The following DOK5 variants were observed in gnomAD, a reference collection of about 807,000 sequenced individuals.
DOK5 encodes downstream of tyrosine kinase 5.
In DOK5, 27 loss-of-function variants were observed where a neutral mutation model predicts 43.3. That is an observed-to-expected ratio of 0.62 (90% CI 0.46 to 0.86). DOK5 has a LOEUF of 0.86. Ranked by LOEUF, DOK5 falls within the 40% of genes least tolerant of loss-of-function variation. DOK5 has a pLI of 0.00. For synonymous variants in DOK5, 146 were observed against 140.1 expected (o/e 1.04, Z -0.30); for missense variants, 373 against 392.9 (o/e 0.95, Z 0.43).
At chr20:54,589,462 A>G (rs1985915375) in intron 4 of DOK5, among the ~76,000 whole-genome samples, 1 of 152,256 alleles carries the variant, frequency 6.6e-6, no homozygotes, top group Non-Finnish European at 1.5e-5. Flanking sequence ...TCTGGGAATC[A>G]ATAATTTAAA....
chr20:54,611,269 A>G (rs909777190), intron 6 of DOK5, among the ~76,000 whole-genome samples: 30 of 152,162 alleles, frequency 2.0e-4, no homozygotes, highest in African/African-American at 7.0e-4. Flanking sequence ...ATAAATAATT[A>G]TGTTCATGAG....
chr20:54,532,007 C>A (rs1983790429), intron 1 of DOK5, among the ~76,000 whole-genome samples: 1 of 152,168 alleles, frequency 6.6e-6, no homozygotes, highest in Non-Finnish European at 1.5e-5. Flanking sequence ...ATGCAGCAAG[C>A]ATTTGTTGAA....
At chr20:54,595,442 A>G (rs1986112412) in intron 5 of DOK5, among the ~76,000 whole-genome samples, 1 of 152,198 alleles carries the variant, frequency 6.6e-6, no homozygotes, top group Non-Finnish European at 1.5e-5. Context: ...AAGTGAAACA[A>G]TGGTGGATGA....
chr20:54,643,351 C>T (rs1427299838), intron 6 of DOK5, 107 bp from the exon 7 acceptor site: 2 of 1,447,154 alleles, frequency 1.4e-6, no homozygotes, highest in Admixed American at 1.9e-5. Flanking sequence ...TGATTTGCAG[C>T]CTGGCCAGCT....
At chr20:54,528,625 G>A (rs183009374) in intron 1 of DOK5, among the ~76,000 whole-genome samples, 2 of 152,266 alleles carry the variant, frequency 1.3e-5, no homozygotes, top group East Asian at 3.9e-4. Context: ...GCCAATATTT[G>A]GTCACTTGGC....
At position 54,628,460 on chromosome 20, in the gene DOK5, T is replaced by C. The variant is rs917092014; in HGVS notation, c.736-14998T>C. Reference sequence around the variant, plus strand: ...AAAAAAAAAAAGAATTCATTCTTCCTGTAACACAAAGAGGAATGCAGCAAA... The same window carrying C: ...AAAAAAAAAAAGAATTCATTCTTCCCGTAACACAAAGAGGAATGCAGCAAA... On this transcript the variant is annotated intron_variant, in intron 6 of 7. Transcript: ENST00000262593. Among the ~76,000 whole-genome samples the C allele has an allele frequency of 3.1e-5, 4 of 130,760 alleles. No individual in the cohort carries two copies. The Admixed American group carries it at 3.1e-4, about 10-fold the overall frequency. 85.8% of individuals were successfully genotyped at this position (130,760 alleles called of 152,430 possible). A position where few individuals can be genotyped will look rare whatever the true frequency, so the allele number is the denominator to read the frequency against.
At chr20:54,562,349 A>G (rs1448481068) in intron 2 of DOK5, among the ~76,000 whole-genome samples, 3 of 152,194 alleles carry the variant, frequency 2.0e-5, no homozygotes, top group Admixed American at 6.5e-5. Flanking sequence ...ATCTGAGCAC[A>G]TGCATGGTTT....
At chr20:54,642,549 C>CAAAAAAAAAAAAAAAAAAA (rs66463305) in intron 6 of DOK5, among the ~76,000 whole-genome samples, 1 of 96,374 alleles carries the variant, frequency 1.0e-5, no homozygotes, top group Non-Finnish European at 1.9e-5. Flanking sequence ...ACTAAAAATA[C>CAAAAAAAAAAAAAAAAAAA]AAAAAAAAAA....
intron 7 of DOK5, among the ~76,000 whole-genome samples, chr20:54,649,703 T>G (rs1979609620): frequency 6.6e-6 from 1 of 152,214 alleles, no homozygotes; most frequent in Non-Finnish European, 1.5e-5. Flanking sequence ...AACAATGGCT[T>G]GTGAGCCAGA....
chr20:54,499,510 A>G (rs1344506487), intron 1 of DOK5, among the ~76,000 whole-genome samples: 2 of 152,240 alleles, frequency 1.3e-5, no homozygotes, highest in African/African-American at 4.8e-5. Flanking sequence ...CATCACCCAC[A>G]AAGACTGCGT....
intron 1 of DOK5, among the ~76,000 whole-genome samples, chr20:54,547,630 G>T (rs1387328009): frequency 6.6e-6 from 1 of 152,110 alleles, no homozygotes; most frequent in Non-Finnish European, 1.5e-5. Context: ...AAATTTTAAA[G>T]GAAGAAAAGA....
intron 1 of DOK5, among the ~76,000 whole-genome samples, chr20:54,509,432 A>T (rs1343031743): frequency 6.6e-6 from 1 of 152,038 alleles, no homozygotes; most frequent in Non-Finnish European, 1.5e-5. Context: ...TGCCTCAAGC[A>T]ATCCTCTCAC....
intron 1 of DOK5, among the ~76,000 whole-genome samples, chr20:54,515,823 C>G (rs78521949): frequency 0.032 from 4,836 of 152,236 alleles, 173 homozygotes; most frequent in East Asian, 0.1. Context: ...TACCCAGAAA[C>G]GTAGACTAAT....
chr20:54,636,914 G>T (rs1978851478), intron 6 of DOK5, among the ~76,000 whole-genome samples: 3 of 152,152 alleles, frequency 2.0e-5, no homozygotes, highest in African/African-American at 7.2e-5. Flanking sequence ...CTTTTGGGGG[G>T]GACAAACATT....
Position 54,604,078 on chromosome 20 carries a change from C to T in DOK5, c.600-6310C>T, listed in dbSNP as rs189640143. On this transcript the variant is annotated intron_variant, in intron 5 of 7. Transcript: ENST00000262593. ...TCTCCTGCCTCAGCCTCCCGAGTAG[C>T]TGAGACTACAGGCGCCCGCCACCAT... Among the ~76,000 whole-genome samples the T allele has an allele frequency of 4.6e-3, 696 of 151,374 alleles. 4 individuals are homozygous for T. The highest frequency in any genetic ancestry group is 0.016 in the African/African-American group (670 of 41,086).
At chr20:54,479,733 T>C (rs934179291) in intron 1 of DOK5, among the ~76,000 whole-genome samples, 2 of 152,156 alleles carry the variant, frequency 1.3e-5, no homozygotes, top group South Asian at 2.1e-4. Flanking sequence ...CCTCCACTCA[T>C]GTAAATTCTC....
intron 1 of DOK5, among the ~76,000 whole-genome samples, chr20:54,539,757 T>C (rs1487320836): frequency 6.6e-6 from 1 of 152,166 alleles, no homozygotes. Context: ...CCATGATTAA[T>C]GAAGCCGGGT....
At chr20:54,535,248 A>T (rs762666978) in intron 1 of DOK5, among the ~76,000 whole-genome samples, 1 of 151,476 alleles carries the variant, frequency 6.6e-6, no homozygotes, top group Non-Finnish European at 1.5e-5. Context: ...CATGACAATT[A>T]TTCTTCCCCT....
chr20:54,611,832 G>A (rs1043911007), intron 6 of DOK5, among the ~76,000 whole-genome samples: 1 of 152,186 alleles, frequency 6.6e-6, no homozygotes, highest in Non-Finnish European at 1.5e-5. Context: ...AAGCATGCCA[G>A]TAATGTGATC....
Sources: allele counts gnomAD v4.1 joint callset (sites outside exome capture counted in the v4.1 genomes callset), GRCh38; gene constraint gnomAD v4.1.1; transcripts MANE v1.5; gene names NCBI Gene and HGNC (gene_info 2026-07-23, HGNC 2026-07-21).